PXMP2: variants seen among roughly 807,000 people sequenced by gnomAD.
PXMP2 encodes peroxisomal membrane protein 2.
A neutral mutation model predicts 20.2 loss-of-function variants in PXMP2; 13 were observed. The ratio of observed to expected loss-of-function variants is 0.64; its 90% CI spans 0.42 to 1.02. The LOEUF (loss-of-function observed/expected upper bound fraction) is 1.02. PXMP2 is among the 50% of genes least tolerant of loss of function. The probability of loss-of-function intolerance (pLI) is 0.00; values close to 1 mark genes in which losing one functional copy is unlikely to be tolerated. For synonymous variants in PXMP2, 113 were observed against 111.2 expected, an observed-to-expected ratio of 1.02 and a Z score of -0.10; for missense variants, 284 against 251.8, an observed-to-expected ratio of 1.13 and a Z score of -0.87.
chr12:132,697,936 G>A (rs766762093), intron 3 of PXMP2, among the ~76,000 whole-genome samples: 3 of 151,788 alleles, frequency 2.0e-5, no homozygotes, highest in Non-Finnish European at 2.9e-5. Flanking sequence ...CACCTCCCCC[G>A]TTCACGAGCA....
intron 3 of PXMP2, among the ~76,000 whole-genome samples, chr12:132,699,632 C>T (rs533541748): frequency 4.7e-5 from 7 of 148,144 alleles, no homozygotes; most frequent in African/African-American, 7.5e-5. Context: ...CCAGGTTCAA[C>T]GATTTTCCTG....
intron 3 of PXMP2, among the ~76,000 whole-genome samples, chr12:132,700,570 G>A (rs1028356854): frequency 4.6e-5 from 7 of 152,108 alleles, no homozygotes; most frequent in African/African-American, 1.7e-4. Flanking sequence ...ACAGATTCTG[G>A]ATAACAGTCC....
chr12:132,703,400 G>A (rs75562031), intron 4 of PXMP2, among the ~76,000 whole-genome samples: 1 of 152,218 alleles, frequency 6.6e-6, no homozygotes, highest in African/African-American at 2.4e-5. Flanking sequence ...CTTGTGGGAT[G>A]GGCAAACACG....
intron 3 of PXMP2, among the ~76,000 whole-genome samples, chr12:132,698,012 CTT>C (rs1434779260): frequency 5.7e-5 from 8 of 140,188 alleles, no homozygotes; most frequent in East Asian, 2.0e-4. Context: ...GACGTGTCAC[CTT>C]TTTTTTTTTT....
chr12:132,695,329 G>T (rs1040085899), intron 2 of PXMP2, among the ~76,000 whole-genome samples: 1 of 151,762 alleles, frequency 6.6e-6, no homozygotes, highest in Admixed American at 6.6e-5. Context: ...GAGTGCCCTT[G>T]CCAGTTAACC....
At chr12:132,702,221 G>C (rs989722517) in intron 4 of PXMP2, among the ~76,000 whole-genome samples, 5 of 152,262 alleles carry the variant, frequency 3.3e-5, no homozygotes, top group Non-Finnish European at 5.9e-5. Context: ...TGCCTCACCT[G>C]CAGCCATGGC....
intron 3 of PXMP2, among the ~76,000 whole-genome samples, chr12:132,697,689 A>C (rs2043418020): frequency 6.6e-6 from 1 of 152,084 alleles, no homozygotes; most frequent in South Asian, 2.1e-4. Flanking sequence ...TACAAGCGTG[A>C]GCCACTGCGC....
rs763456032 is a variant in PXMP2 at position 132,695,871 on chromosome 12, CT to C, written c.237-12del. 5 of 1,597,692 alleles carry C rather than the reference CT, an allele frequency of 3.1e-6. No individual in the cohort carries two copies. In the Admixed American group the frequency reaches 6.9e-5, roughly 22 times the overall value. ...AGAACCACAATCTGGCTCACACCCC[CT>C]GGGGGCCTCAGGTTCTTCTTCACAG... On this transcript the variant is annotated splice_polypyrimidine_tract_variant and intron_variant, in intron 2 of 4. Transcript: ENST00000317479.
Position 132,687,612 on chromosome 12 carries a change from C to A in PXMP2, c.-59C>A. On this transcript the variant is annotated 5_prime_UTR_variant, in exon 1 of 5. Coordinates refer to ENST00000317479, the MANE Select transcript of PXMP2 (RefSeq NM_018663.3). ...ACTCCGCTCTCGGCGCCTCGGGCTC[C>A]GCGCCCGGCCAGCCTGAGGTGGGGT... is the stretch of plus-strand genomic sequence containing the variant. 8.6e-7 allele frequency: 1 copy of A among 1,162,138 alleles called. No homozygotes were observed. The highest frequency in any genetic ancestry group is 1.1e-6 in the Non-Finnish European group (1 of 943,466). The allele number at this position is 1,162,138 out of a possible 1,614,324, so 72.0% of individuals were successfully genotyped here.
intron 2 of PXMP2, among the ~76,000 whole-genome samples, chr12:132,690,579 T>C (rs7398003): frequency 2.8e-5 from 1 of 35,392 alleles, no homozygotes; most frequent in East Asian, 3.9e-4. Flanking sequence ...TTGTTTTTTC[T>C]TTTTTTTTGG....
rs2043460009 is a variant in PXMP2, at chr12:132,704,609, T to C, written c.520-10T>C. The C allele has an allele frequency of 4.2e-6, 6 of 1,437,002 alleles. No individual in the cohort carries two copies. In the Admixed American group the frequency reaches 1.6e-4, roughly 39 times the overall value. 89.0% of individuals were successfully genotyped at this position (1,437,002 alleles called of 1,614,324 possible). ...CTGACCGTGGCCTGTTGGACTGTTCTTTTCGGCAGTTCCGGGTGCTCTTCG... is the reference window on the plus strand; with the variant it reads ...CTGACCGTGGCCTGTTGGACTGTTCCTTTCGGCAGTTCCGGGTGCTCTTCG... On this transcript the variant is annotated splice_polypyrimidine_tract_variant and intron_variant, in intron 4 of 4. Transcript: ENST00000317479.
chr12:132,693,275 G>C (rs1373313662), intron 2 of PXMP2, among the ~76,000 whole-genome samples: 1 of 64,334 alleles, frequency 1.6e-5, no homozygotes, highest in Non-Finnish European at 3.6e-5. Context: ...TTGCCAGTTA[G>C]TTAAGTGAGC....
chr12:132,701,460 C>CCTCTTCTTTTCTCTT, intron 4 of PXMP2, 91 bp downstream of exon 4: 1 of 1,489,886 alleles, frequency 6.7e-7, no homozygotes, highest in South Asian at 1.2e-5. Flanking sequence ...CCCTCCCTCC[C>CCTCTTCTTTTCTCTT]CTCTTCTTTT....
At position 132,690,520 on chromosome 12, in the gene PXMP2, G is replaced by A. The variant is rs375289222; in HGVS notation, c.236+144G>A. 636 of 650,348 alleles carry A rather than the reference G, an allele frequency of 9.8e-4. 12 individuals are homozygous for A. The South Asian group carries it at 0.013, about 13-fold the overall frequency. The allele number at this position is 650,348 out of a possible 1,614,324, so 40.3% of individuals were successfully genotyped here. On this transcript the variant is annotated intron_variant, in intron 2 of 4. Transcript: ENST00000317479. ...TAGTAATCATCATGGGAAAAAACTC[G>A]AATGGTTCATATAGTTTGTATGGCA... is the stretch of plus-strand genomic sequence containing the variant.
chr12:132,697,068 G>A (rs1211727789), intron 3 of PXMP2, among the ~76,000 whole-genome samples: 1 of 151,954 alleles, frequency 6.6e-6, no homozygotes, highest in African/African-American at 2.4e-5. Context: ...CCAGTGGATA[G>A]CTTGAGGCCA....
At chr12:132,703,263 T>C (rs775305560) in intron 4 of PXMP2, among the ~76,000 whole-genome samples, 4 of 152,128 alleles carry the variant, frequency 2.6e-5, no homozygotes, top group Non-Finnish European at 5.9e-5. Flanking sequence ...TGAGACCCCA[T>C]CTCTATTTTA....
At chr12:132,702,984 A>G (rs2043451266) in intron 4 of PXMP2, among the ~76,000 whole-genome samples, 1 of 152,238 alleles carries the variant, frequency 6.6e-6, no homozygotes, top group African/African-American at 2.4e-5. Flanking sequence ...ACCCTTAGCC[A>G]AAGTTGCCAG....
chr12:132,691,926 C>G (rs1008600248), intron 2 of PXMP2, among the ~76,000 whole-genome samples: 3 of 152,280 alleles, frequency 2.0e-5, no homozygotes, highest in Admixed American at 1.3e-4. Context: ...TTAGTAGCAA[C>G]GCACACAACC....
chr12:132,702,435 T>C, intron 4 of PXMP2: 1 of 352,178 alleles, frequency 2.8e-6, no homozygotes, highest in Non-Finnish European at 5.7e-6. Context: ...ACAGCCAGGG[T>C]CCCCAGGACC....
Sources: allele counts gnomAD v4.1 joint callset (sites outside exome capture counted in the v4.1 genomes callset), GRCh38; gene constraint gnomAD v4.1.1; transcripts MANE v1.5; gene names NCBI Gene and HGNC (gene_info 2026-07-23, HGNC 2026-07-21).